The following CCDC170 variants were observed in gnomAD, a reference collection of about 807,000 sequenced individuals.
The protein encoded by CCDC170 is coiled-coil domain containing 170.
A neutral mutation model predicts 72.6 loss-of-function variants in CCDC170; 69 were observed. The observed-to-expected ratio is 0.95, with a 90% CI of 0.78 to 1.16. The LOEUF is 1.16. CCDC170 is among the 50% of genes most tolerant of loss of function. The probability of loss-of-function intolerance (pLI) is 0.00; values close to 1 mark genes in which losing one functional copy is unlikely to be tolerated. For synonymous variants in CCDC170, 300 were observed against 303.9 expected (o/e 0.99, Z 0.13); for missense variants, 852 against 832.5 (o/e 1.02, Z -0.29).
chr6:151,615,313 T>C, intron 9 of CCDC170, 130 bp from the exon 10 acceptor site: 4 of 719,576 alleles, frequency 5.6e-6, no homozygotes, highest in Non-Finnish European at 9.7e-6. Context: ...TCTAACTGTT[T>C]GGGATGAACT....
chr6:151,583,985 G>A (rs555664247), intron 6 of CCDC170, among the ~76,000 whole-genome samples: 13 of 152,238 alleles, frequency 8.5e-5, no homozygotes, highest in Admixed American at 6.5e-4. Context: ...AAAGATCTCC[G>A]ATCACAGATC....
chr6:151,593,362 A>T, intron 8 of CCDC170, 82 bp downstream of exon 8: 1 of 1,414,866 alleles, frequency 7.1e-7, no homozygotes, highest in Non-Finnish European at 9.7e-7. Flanking sequence ...TACTGCCACC[A>T]TGTTTACCAG....
chr6:151,617,408 C>CTTTTTTTTTTTTTTTTTTTTTTTTTTTT (rs745655791), intron 10 of CCDC170, among the ~76,000 whole-genome samples: 9 of 91,466 alleles, frequency 9.8e-5, no homozygotes, highest in South Asian at 4.0e-4. Flanking sequence ...GCTGTTTGTT[C>CTTTTTTTTTTTTTTTTTTTTTTTTTTTT]TTTTTTTTTT....
chr6:151,612,530 T>C (rs1427520624), intron 9 of CCDC170, among the ~76,000 whole-genome samples: 4 of 152,216 alleles, frequency 2.6e-5, no homozygotes, highest in Non-Finnish European at 5.9e-5. Flanking sequence ...CACAGTTCCC[T>C]CTTGCATGAT....
rs114980889 is a variant in CCDC170 at position 151,538,397 on chromosome 6, T to C, written c.443+96T>C. ...CTTTGAAAGTACTGGCATTTTGCAT[T>C]ACTTGGCCCTTAAACTCAATTTGAA... is the stretch of plus-strand genomic sequence containing the variant. On this transcript the variant is annotated intron_variant, in intron 3 of 10. Transcript: ENST00000239374. The C allele has an allele frequency of 2.7e-3, 3,293 of 1,226,538 alleles. 61 individuals carry two copies. In the African/African-American group the frequency reaches 0.043, roughly 16 times the overall value. The allele number at this position is 1,226,538 out of a possible 1,614,324, so 76.0% of individuals were successfully genotyped here.
At chr6:151,614,130 A>G (rs1392524840) in intron 9 of CCDC170, among the ~76,000 whole-genome samples, 1 of 152,204 alleles carries the variant, frequency 6.6e-6, no homozygotes, top group African/African-American at 2.4e-5. Context: ...AACATAATAT[A>G]TATCATTTTA....
intron 1 of CCDC170, among the ~76,000 whole-genome samples, chr6:151,501,386 G>T (rs780955757): frequency 3.3e-5 from 5 of 152,286 alleles, no homozygotes; most frequent in Admixed American, 2.0e-4. Flanking sequence ...CAATGTCAAT[G>T]TCTTGGTTTT....
chr6:151,538,181 TAGA>T lies in CCDC170; in HGVS notation c.331_333del (p.Glu111del), dbSNP rs1782624709. On this transcript the variant is annotated inframe_deletion, in exon 3 of 11. Transcript: ENST00000239374. ...TCTTTGAGAGACAGAGTTCAGGAAC[TAGA>T]AGAAGAATCAGCAGCACTTTCCACT... The T allele has an allele frequency of 1.9e-6, 3 of 1,613,910 alleles. No homozygotes were observed. Among genetic ancestry groups the T allele is most frequent in the East Asian group, 2.2e-5 (1 of 44,866 alleles).
chr6:151,530,537 G>A (rs1045232830), intron 1 of CCDC170, among the ~76,000 whole-genome samples: 3 of 151,746 alleles, frequency 2.0e-5, no homozygotes, highest in African/African-American at 4.8e-5. Flanking sequence ...TGCCTCCTGA[G>A]TTCAAGTGAT....
At chr6:151,614,981 G>A (rs2115147458) in intron 9 of CCDC170, among the ~76,000 whole-genome samples, 1 of 152,298 alleles carries the variant, frequency 6.6e-6, no homozygotes, top group Admixed American at 6.5e-5. Flanking sequence ...CCTCACAGCA[G>A]TTGTGAAGAC....
At chr6:151,604,934 G>C (rs962653167) in intron 9 of CCDC170, among the ~76,000 whole-genome samples, 1 of 151,984 alleles carries the variant, frequency 6.6e-6, no homozygotes, top group East Asian at 1.9e-4. Context: ...ATTTGAAAAC[G>C]TACAATAAAT....
chr6:151,616,841 CG>C (rs1776975540), intron 10 of CCDC170, among the ~76,000 whole-genome samples: 1 of 152,136 alleles, frequency 6.6e-6, no homozygotes. Flanking sequence ...GGCAGCTCTC[CG>C]GGGCCTCTTT....
intron 6 of CCDC170, among the ~76,000 whole-genome samples, chr6:151,585,356 T>C (rs988710283): frequency 5.3e-5 from 8 of 152,172 alleles, no homozygotes; most frequent in Non-Finnish European, 1.2e-4. Flanking sequence ...AGAGTCAGCA[T>C]CCCTGGAGTT....
intron 8 of CCDC170, 91 bp downstream of exon 8, chr6:151,593,371 A>G: frequency 7.5e-7 from 1 of 1,328,970 alleles, no homozygotes; most frequent in Non-Finnish European, 1.0e-6. Context: ...CATGTTTACC[A>G]GTGTAGCTAG....
chr6:151,511,600 C>T (rs545331145), intron 1 of CCDC170, among the ~76,000 whole-genome samples: 2 of 152,286 alleles, frequency 1.3e-5, no homozygotes, highest in East Asian at 1.9e-4. Context: ...GTAGCTGACT[C>T]GTTCATTTAT....
At chr6:151,514,579 A>G (rs528836280) in intron 1 of CCDC170, among the ~76,000 whole-genome samples, 6 of 152,232 alleles carry the variant, frequency 3.9e-5, no homozygotes, top group African/African-American at 9.6e-5. Context: ...AATTTTTTCC[A>G]TGTGACTGGA....
intron 5 of CCDC170, among the ~76,000 whole-genome samples, chr6:151,549,556 T>C (rs1050791252): frequency 6.6e-6 from 1 of 152,134 alleles, no homozygotes; most frequent in Admixed American, 6.5e-5. Context: ...CACCCAGTTC[T>C]CTTCAGAGGC....
chr6:151,508,471 G>A (rs933288879), intron 1 of CCDC170, among the ~76,000 whole-genome samples: 2 of 152,170 alleles, frequency 1.3e-5, no homozygotes, highest in Admixed American at 1.3e-4. Flanking sequence ...CCAGGAGGCA[G>A]AGGTTGCAGT....
intron 5 of CCDC170, among the ~76,000 whole-genome samples, chr6:151,555,297 G>A (rs868132267): frequency 3.3e-5 from 5 of 152,108 alleles, no homozygotes; most frequent in African/African-American, 1.2e-4. Flanking sequence ...CACACAATTG[G>A]TGTTCAGTGT....
Sources: allele counts gnomAD v4.1 joint callset (sites outside exome capture counted in the v4.1 genomes callset), GRCh38; gene constraint gnomAD v4.1.1; transcripts MANE v1.5; gene names NCBI Gene and HGNC (gene_info 2026-07-23, HGNC 2026-07-21).